UNC5D: variants seen among roughly 807,000 people sequenced by gnomAD.
UNC5D encodes the protein netrin receptor UNC5D.
UNC5D carries 39 observed loss-of-function variants against 105.4 expected under a neutral mutation model. That is an observed-to-expected ratio of 0.37 (90% CI 0.29 to 0.48). The LOEUF (loss-of-function observed/expected upper bound fraction) is 0.48. Ranked by LOEUF, UNC5D falls within the 20% of genes least tolerant of loss-of-function variation. UNC5D has a pLI of 0.98. For synonymous variants in UNC5D, 452 were observed against 450.4 expected, an observed-to-expected ratio of 1.00 and a Z score of -0.04; for missense variants, 991 against 1,202.4, an observed-to-expected ratio of 0.82 and a Z score of 2.60.
chr8:35,556,038 T>C (rs546875791), intron 2 of UNC5D, among the ~76,000 whole-genome samples: 1 of 152,144 alleles, frequency 6.6e-6, no homozygotes, highest in African/African-American at 2.4e-5. Flanking sequence ...GGATGTGGAA[T>C]TGAGCTTCCT....
intron 1 of UNC5D, among the ~76,000 whole-genome samples, chr8:35,352,763 C>A (rs1347654097): frequency 6.6e-6 from 1 of 152,080 alleles, no homozygotes; most frequent in Non-Finnish European, 1.5e-5. Context: ...CAGGTGCATG[C>A]CACCACGCCT....
intron 1 of UNC5D, among the ~76,000 whole-genome samples, chr8:35,444,616 A>G (rs1425322648): frequency 1.3e-5 from 2 of 152,002 alleles, no homozygotes; most frequent in Non-Finnish European, 2.9e-5. Flanking sequence ...TCATGCCTTC[A>G]TTAATCCTAG....
chr8:35,567,164 C>T (rs7824189), intron 2 of UNC5D, among the ~76,000 whole-genome samples: 6 of 152,008 alleles, frequency 3.9e-5, no homozygotes, highest in Non-Finnish European at 5.9e-5. Context: ...TCTATAAAAA[C>T]CCCCCTTTCT....
Position 35,549,524 on chromosome 8 carries a change from G to A in UNC5D, c.322+14G>A. On this transcript the variant is annotated intron_variant, in intron 2 of 16. Transcript: ENST00000404895. ...ACGAGAGCTCAGGTAGGAGCGTGCA[G>A]CAGTCAGAAGCAGCTGTGGTGACTC... The A allele has an allele frequency of 1.2e-6, 2 of 1,606,254 alleles. No individual in the cohort carries two copies. Among genetic ancestry groups the A allele is most frequent in the South Asian group, 1.1e-5 (1 of 90,226 alleles).
intron 1 of UNC5D, among the ~76,000 whole-genome samples, chr8:35,419,157 A>G (rs1165344458): frequency 6.6e-6 from 1 of 152,198 alleles, no homozygotes; most frequent in Non-Finnish European, 1.5e-5. Context: ...CTTAAGTTGT[A>G]TGACTGCCTT....
chr8:35,498,214 G>T lies in UNC5D; in HGVS notation c.104-51078G>T, dbSNP rs182798847. Among the ~76,000 whole-genome samples, 315 of 151,804 alleles carry T rather than the reference G, an allele frequency of 2.1e-3. 3 individuals carry two copies. Among genetic ancestry groups the T allele is most frequent in the South Asian group, 6.2e-3 (30 of 4,806 alleles). ...ATACAGACATGTCTACTAAGTCAGG[G>T]GCTGAAAGTTTCCATTGGTATTATC... On this transcript the variant is annotated intron_variant, in intron 1 of 16. Transcript: ENST00000404895.
At chr8:35,237,447 T>G (rs2128797757) in intron 1 of UNC5D, among the ~76,000 whole-genome samples, 1 of 152,234 alleles carries the variant, frequency 6.6e-6, no homozygotes, top group South Asian at 2.1e-4. Context: ...GAGTTTCCAC[T>G]TACTATTCGT....
intron 1 of UNC5D, among the ~76,000 whole-genome samples, chr8:35,544,161 G>A (rs1815474082): frequency 6.6e-6 from 1 of 152,122 alleles, no homozygotes; most frequent in African/African-American, 2.4e-5. Flanking sequence ...CCGTGTAGAA[G>A]GCTTATTACC....
intron 1 of UNC5D, among the ~76,000 whole-genome samples, chr8:35,478,925 G>A (rs908549670): frequency 6.6e-6 from 1 of 152,036 alleles, no homozygotes; most frequent in African/African-American, 2.4e-5. Context: ...TGTAGAAGAG[G>A]GTTTTAGAAA....
rs140499176 is a variant in UNC5D, at chr8:35,478,049, G to C, written c.104-71243G>C. Among the ~76,000 whole-genome samples, 15 of 152,152 alleles carry C rather than the reference G, an allele frequency of 9.9e-5. No homozygotes were observed. In the East Asian group the frequency reaches 2.9e-3, roughly 29 times the overall value. On this transcript the variant is annotated intron_variant, in intron 1 of 16. Coordinates refer to ENST00000404895, the MANE Select transcript of UNC5D (RefSeq NM_080872.4). ...ATAATTTCATTTTAAGCAAAGAATT[G>C]TGTGCAGATTCATAATTCATGCACT... is the stretch of plus-strand genomic sequence containing the variant.
At chr8:35,540,216 A>G (rs1260758546) in intron 1 of UNC5D, among the ~76,000 whole-genome samples, 1 of 152,218 alleles carries the variant, frequency 6.6e-6, no homozygotes, top group Non-Finnish European at 1.5e-5. Flanking sequence ...TAAACAATTT[A>G]TAAACTCCAT....
chr8:35,312,216 G>T (rs548420815), intron 1 of UNC5D, among the ~76,000 whole-genome samples: 25 of 152,244 alleles, frequency 1.6e-4, no homozygotes, highest in African/African-American at 5.8e-4. Context: ...GGCAAGATCC[G>T]ACATAGCTTA....
chr8:35,702,405 T>G (rs535119236), intron 7 of UNC5D, among the ~76,000 whole-genome samples: 8 of 151,964 alleles, frequency 5.3e-5, no homozygotes, highest in Non-Finnish European at 1.2e-4. Flanking sequence ...GGTATGAGTA[T>G]TTGTTTGAAA....
chr8:35,436,882 G>T (rs1332758848), intron 1 of UNC5D, among the ~76,000 whole-genome samples: 1 of 151,900 alleles, frequency 6.6e-6, no homozygotes, highest in Non-Finnish European at 1.5e-5. Context: ...AGTACCAATT[G>T]CTATATGATT....
At chr8:35,707,038 A>T (rs1827631354) in intron 8 of UNC5D, among the ~76,000 whole-genome samples, 1 of 152,224 alleles carries the variant, frequency 6.6e-6, no homozygotes, top group African/African-American at 2.4e-5. Flanking sequence ...CCTGCCTAGC[A>T]TCTCTCATTC....
At chr8:35,289,909 C>A (rs1806908923) in intron 1 of UNC5D, among the ~76,000 whole-genome samples, 1 of 151,716 alleles carries the variant, frequency 6.6e-6, no homozygotes, top group Non-Finnish European at 1.5e-5. Context: ...CATTTGAGAC[C>A]AGCCAGAGCA....
At chr8:35,649,957 T>C (rs1310790088) in intron 4 of UNC5D, among the ~76,000 whole-genome samples, 1 of 152,154 alleles carries the variant, frequency 6.6e-6, no homozygotes, top group East Asian at 1.9e-4. Flanking sequence ...TGGTGAAATA[T>C]GAATGAAGCC....
chr8:35,445,392 A>C (rs1201765376), intron 1 of UNC5D, among the ~76,000 whole-genome samples: 1 of 152,082 alleles, frequency 6.6e-6, no homozygotes. Context: ...AAATATGAAC[A>C]ATGCTAGATT....
intron 1 of UNC5D, among the ~76,000 whole-genome samples, chr8:35,535,799 T>C (rs1814793155): frequency 6.6e-6 from 1 of 152,174 alleles, no homozygotes; most frequent in African/African-American, 2.4e-5. Context: ...AATTTTTCCT[T>C]AATTAATAAT....
Sources: gnomAD v4.1 joint callset for allele counts (sites outside exome capture counted in the v4.1 genomes callset) on GRCh38, gnomAD v4.1.1 for gene constraint, MANE v1.5 for transcripts, NCBI Gene and HGNC (gene_info 2026-07-23, HGNC 2026-07-21) for gene names.